Variants in WARS2 observed in about 807,000 individuals in gnomAD.
WARS2 encodes the protein tryptophanyl tRNA synthetase 2, mitochondrial.
Under a neutral mutation model 36.5 loss-of-function variants are expected in WARS2, and 28 were observed. The ratio of observed to expected loss-of-function variants is 0.77; its 90% confidence interval spans 0.57 to 1.05. The LOEUF is 1.05. Ranked by LOEUF, WARS2 falls within the 50% of genes least tolerant of loss-of-function variation. The pLI is 0.00. For synonymous variants in WARS2, 174 were observed against 178.4 expected, an observed-to-expected ratio of 0.98 and a Z score of 0.20; for missense variants, 435 against 456.8, an observed-to-expected ratio of 0.95 and a Z score of 0.44.
At chr1:119,101,324 A>G (rs894300581) in intron 1 of WARS2, among the ~76,000 whole-genome samples, 1 of 152,176 alleles carries the variant, frequency 6.6e-6, no homozygotes, top group African/African-American at 2.4e-5. Context: ...ATAAAAATAA[A>G]AATAAAATAA....
At chr1:119,117,752 G>T (rs1017184467) in intron 1 of WARS2, among the ~76,000 whole-genome samples, 1 of 152,176 alleles carries the variant, frequency 6.6e-6, no homozygotes, top group African/African-American at 2.4e-5. Flanking sequence ...CTGAAGATGG[G>T]TCACATCACA....
At position 119,043,668 on chromosome 1, in the gene WARS2, A is replaced by G. The variant is rs139146370; in HGVS notation, c.430-1319T>C. Among the ~76,000 whole-genome samples the G allele has an allele frequency of 9.0e-3, 1,364 of 152,368 alleles. 26 individuals are homozygous for G. Among genetic ancestry groups the G allele is most frequent in the African/African-American group, 0.031 (1,284 of 41,582 alleles). Reference sequence around the variant, plus strand: ...CAATTATCACCAGGTAAAGATAATGAAAGTTTAATTTGGAAACGTGCAAAT... The same window carrying G: ...CAATTATCACCAGGTAAAGATAATGGAAGTTTAATTTGGAAACGTGCAAAT... On this transcript the variant is annotated intron_variant, in intron 3 of 5. Coordinates refer to ENST00000235521, the MANE Select transcript of WARS2 (RefSeq NM_015836.4).
rs1647493866 is a variant in WARS2, at chr1:119,032,366, A to T, written c.*545T>A. On this transcript the variant is annotated 3_prime_UTR_variant, in exon 6 of 6. Transcript: ENST00000235521. ...TGGAACAGTTGGTGTTATCTCTTGG[A>T]AAACAAGTTAAGCAGCTTAAATATA... 1.3e-5 allele frequency: 2 copies of T among 152,726 alleles called. No individual in the cohort carries two copies. Among genetic ancestry groups the T allele is most frequent in the African/African-American group, 4.8e-5 (2 of 41,586 alleles). 9.5% of individuals were successfully genotyped at this position (152,726 alleles called of 1,614,324 possible).
At chr1:119,110,121 A>ACATATG (rs1210154172) in intron 1 of WARS2, among the ~76,000 whole-genome samples, 11 of 152,014 alleles carry the variant, frequency 7.2e-5, no homozygotes, top group African/African-American at 2.2e-4. Flanking sequence ...GTAATCAAAT[A>ACATATG]CATTGTTGCT....
chr1:119,105,171 T>A (rs1439353683), intron 1 of WARS2, among the ~76,000 whole-genome samples: 1 of 151,992 alleles, frequency 6.6e-6, no homozygotes, highest in Non-Finnish European at 1.5e-5. Flanking sequence ...GACTTGCTGG[T>A]GAAATGGGTG....
chr1:119,036,753 C>A (rs758760689), intron 4 of WARS2, among the ~76,000 whole-genome samples: 3 of 152,156 alleles, frequency 2.0e-5, no homozygotes, highest in Non-Finnish European at 2.9e-5. Flanking sequence ...ATGTCGGATC[C>A]TTGCCTCTTT....
chr1:119,051,830 C>T (rs892947828), intron 2 of WARS2, among the ~76,000 whole-genome samples: 11 of 145,166 alleles, frequency 7.6e-5, no homozygotes, highest in East Asian at 2.0e-4. Context: ...TGTAGTGGCG[C>T]GATCGGCAAC....
intron 1 of WARS2, among the ~76,000 whole-genome samples, chr1:119,131,422 A>C (rs1656083620): frequency 6.6e-6 from 1 of 151,176 alleles, no homozygotes; most frequent in Non-Finnish European, 1.5e-5. Context: ...AATGGTCTAG[A>C]GAGGTATTTT....
rs115851903 is a variant in WARS2, at chr1:119,060,960, G to A, written c.349-15298C>T. Among the ~76,000 whole-genome samples the A allele has an allele frequency of 2.4e-3, 367 of 152,024 alleles. 3 individuals are homozygous for A. The highest frequency in any genetic ancestry group is 8.6e-3 in the African/African-American group (358 of 41,444). On this transcript the variant is annotated intron_variant, in intron 2 of 5. Coordinates refer to ENST00000235521, the MANE Select transcript of WARS2 (RefSeq NM_015836.4). ...CCAACCCCTGAATTCCACATGCACGGGGCCACCTCCAAGCTGTCCAACAAT... is the reference window on the plus strand; with the variant it reads ...CCAACCCCTGAATTCCACATGCACGAGGCCACCTCCAAGCTGTCCAACAAT...
At chr1:119,119,509 A>T (rs1400678949) in intron 1 of WARS2, among the ~76,000 whole-genome samples, 2 of 152,156 alleles carry the variant, frequency 1.3e-5, no homozygotes, top group African/African-American at 4.8e-5. Context: ...TCATCAAGAC[A>T]GGAAGTCAAC....
rs140051799 is a variant in WARS2 at position 119,053,551 on chromosome 1, T to C, written c.349-7889A>G. ...CCTATCTTTTCAGTAAGATTGTATTTAAAATTTCTATGTTGATATATTTGA... is the reference window on the plus strand; with the variant it reads ...CCTATCTTTTCAGTAAGATTGTATTCAAAATTTCTATGTTGATATATTTGA... On this transcript the variant is annotated intron_variant, in intron 2 of 5. Coordinates refer to ENST00000235521, the MANE Select transcript of WARS2 (RefSeq NM_015836.4). 1.6e-4 allele frequency among the ~76,000 whole-genome samples: 24 copies of C among 152,324 alleles called. No individual in the cohort carries two copies. The East Asian group carries it at 3.7e-3, about 23-fold the overall frequency.
At chr1:119,135,743 T>TAGAC (rs1314963771) in intron 1 of WARS2, among the ~76,000 whole-genome samples, 2 of 115,226 alleles carry the variant, frequency 1.7e-5, no homozygotes, top group African/African-American at 5.8e-5. Flanking sequence ...GATAGATAGA[T>TAGAC]AGATAGATAG....
At chr1:119,098,077 C>T (rs587763754) in intron 1 of WARS2, among the ~76,000 whole-genome samples, 152 of 152,074 alleles carry the variant, frequency 1.0e-3, no homozygotes, top group African/African-American at 3.4e-3. Flanking sequence ...GGTGAAACCC[C>T]GTCTCTACTA....
intron 1 of WARS2, among the ~76,000 whole-genome samples, chr1:119,095,255 G>C (rs1653344210): frequency 6.6e-6 from 1 of 152,122 alleles, no homozygotes; most frequent in Admixed American, 6.5e-5. Context: ...AATCCATTGT[G>C]AGACACCATC....
chr1:119,058,481 C>G (rs1446232368), intron 2 of WARS2, among the ~76,000 whole-genome samples: 5 of 133,528 alleles, frequency 3.7e-5, no homozygotes, highest in Non-Finnish European at 7.9e-5. Flanking sequence ...ACCACAGTCC[C>G]CAGAGTGTGA....
rs1172548173 is a variant in WARS2 at position 119,031,402 on chromosome 1, C to G, written c.*1509G>C. On this transcript the variant is annotated 3_prime_UTR_variant, in exon 6 of 6. Transcript: ENST00000235521. ...ATGTTTCCTTTACCCATGATCCAGG[C>G]TAGCTCCAAGAATCCTAAAAACGAT... The G allele has an allele frequency of 6.6e-6, 1 of 152,152 alleles. No individual in the cohort carries two copies. The highest frequency in any genetic ancestry group is 1.5e-5 in the Non-Finnish European group (1 of 68,048). The allele number at this position is 152,152 out of a possible 1,614,324, so 9.4% of individuals were successfully genotyped here.
intron 2 of WARS2, among the ~76,000 whole-genome samples, chr1:119,048,921 G>T (rs1031245918): frequency 6.6e-6 from 1 of 152,024 alleles, no homozygotes; most frequent in African/African-American, 2.4e-5. Flanking sequence ...ATATTAGCTG[G>T]GTATGATGGC....
chr1:119,093,125 G>A (rs1198620237), intron 1 of WARS2, among the ~76,000 whole-genome samples: 2 of 152,016 alleles, frequency 1.3e-5, no homozygotes, highest in African/African-American at 4.8e-5. Context: ...GACATAGTAA[G>A]GGCAATTATC....
At chr1:119,094,688 T>C (rs587699731) in intron 1 of WARS2, among the ~76,000 whole-genome samples, 3 of 152,290 alleles carry the variant, frequency 2.0e-5, no homozygotes, top group South Asian at 2.1e-4. Context: ...CTTTTGTTTT[T>C]ATGTCAAAAG....
Sources: gnomAD v4.1 joint callset for allele counts (sites outside exome capture counted in the v4.1 genomes callset) on GRCh38, gnomAD v4.1.1 for gene constraint, MANE v1.5 for transcripts, NCBI Gene and HGNC (gene_info 2026-07-23, HGNC 2026-07-21) for gene names.